Variants in SYNPO2 observed in about 807,000 individuals in gnomAD.
The protein encoded by SYNPO2 is synaptopodin-2.
In SYNPO2, 56 loss-of-function variants were observed where a neutral mutation model predicts 85.0. The ratio of observed to expected loss-of-function variants is 0.66; its 90% CI spans 0.53 to 0.82. SYNPO2 has a LOEUF of 0.82. SYNPO2 is among the 40% of genes least tolerant of loss of function. SYNPO2 has a pLI of 0.00. For missense variants in SYNPO2, 1,575 were observed against 1,534.2 expected (o/e 1.03, Z -0.44); for synonymous variants, 602 against 591.1 (o/e 1.02, Z -0.27).
At chr4:119,013,514 T>A (rs567084920) in intron 1 of SYNPO2, among the ~76,000 whole-genome samples, 5 of 152,326 alleles carry the variant, frequency 3.3e-5, no homozygotes, top group Admixed American at 2.6e-4. Context: ...ATATGGTTAT[T>A]CAGTCTTGGA....
chr4:118,914,725 G>A (rs1733253630), intron 1 of SYNPO2, among the ~76,000 whole-genome samples: 1 of 151,998 alleles, frequency 6.6e-6, no homozygotes. Context: ...TGGCAGTAAA[G>A]GAAAGACAGC....
chr4:118,997,239 C>CAAAAAA (rs1434428754), intron 1 of SYNPO2, among the ~76,000 whole-genome samples: 56 of 65,214 alleles, frequency 8.6e-4, no homozygotes, highest in African/African-American at 2.2e-3. Flanking sequence ...GACTCCGTCT[C>CAAAAAA]AAAAAAAAAA....
chr4:118,925,278 T>A (rs920423030), intron 1 of SYNPO2, among the ~76,000 whole-genome samples: 1 of 152,186 alleles, frequency 6.6e-6, no homozygotes, highest in Non-Finnish European at 1.5e-5. Flanking sequence ...CTGGACTGAC[T>A]GACATGTGAA....
intron 4 of SYNPO2, chr4:119,043,268 G>A (rs1282913611): frequency 6.6e-6 from 1 of 151,956 alleles, no homozygotes; most frequent in Non-Finnish European, 1.5e-5. Flanking sequence ...TCTCTCAAAT[G>A]TGTATTGATG....
chr4:118,875,030 C>T (rs1731878126), intron 1 of SYNPO2, among the ~76,000 whole-genome samples: 1 of 152,194 alleles, frequency 6.6e-6, no homozygotes, highest in Non-Finnish European at 1.5e-5. Context: ...CTGACAGGCC[C>T]CATTGTGTGT....
In SYNPO2 at chr4:118,927,768, T is replaced by C. The variant is rs28562711; in HGVS notation, c.105+38627T>C. On this transcript the variant is annotated intron_variant, in intron 1 of 4. Transcript: ENST00000307142. ...GATAGATGATAGATAGATATATAGA[T>C]AGATAGATGATAGATAGATAGATAG... Among the ~76,000 whole-genome samples, 233 of 51,670 alleles carry C rather than the reference T, an allele frequency of 4.5e-3. 2 individuals carry two copies. Among genetic ancestry groups the C allele is most frequent in the African/African-American group, 9.9e-3 (137 of 13,770 alleles). 33.9% of individuals were successfully genotyped at this position (51,670 alleles called of 152,430 possible). A position where few individuals can be genotyped will look rare whatever the true frequency, so the allele number is the denominator to read the frequency against.
chr4:119,027,423 C>A lies in SYNPO2; in HGVS notation c.1054C>A (p.Arg352=), dbSNP rs192473578. The A allele has an allele frequency of 3.8e-6, 6 of 1,597,160 alleles. No individual in the cohort carries two copies. The highest frequency in any genetic ancestry group is 5.1e-6 in the Non-Finnish European group (6 of 1,168,368). ...AGATCACAGCAGACCTCACAAGCAC[C>A]GAGCGCGGCATGCACGTAAGTTCTG... ...EKDHSRPHKH[R]ARHARLRRSE... Residue 352 remains arginine (R), a synonymous_variant, in exon 3 of 5, where the codon CGA becomes AGA. Coordinates refer to ENST00000307142, the MANE Select transcript of SYNPO2 (RefSeq NM_133477.3).
chr4:118,898,876 G>T (rs975209609), intron 1 of SYNPO2, among the ~76,000 whole-genome samples: 1 of 152,156 alleles, frequency 6.6e-6, no homozygotes, highest in South Asian at 2.1e-4. Flanking sequence ...CTCCCTGGTT[G>T]CTTCATCCCT....
intron 1 of SYNPO2, among the ~76,000 whole-genome samples, chr4:118,997,628 A>C (rs1196705222): frequency 6.6e-6 from 1 of 152,194 alleles, no homozygotes; most frequent in Non-Finnish European, 1.5e-5. Context: ...TGAAAGATTC[A>C]ATAGTGGATG....
At chr4:118,856,875 CAATTG>C (rs1232906081) in intron 1 of SYNPO2, among the ~76,000 whole-genome samples, 1 of 152,088 alleles carries the variant, frequency 6.6e-6, no homozygotes, top group African/African-American at 2.4e-5. Flanking sequence ...AAAGAACCTT[CAATTG>C]AATAGAAATA....
chr4:118,908,751 C>A (rs991180217), intron 1 of SYNPO2, among the ~76,000 whole-genome samples: 10 of 152,244 alleles, frequency 6.6e-5, no homozygotes, highest in Admixed American at 5.2e-4. Flanking sequence ...TGCCGTCATA[C>A]CACTGCCCTA....
At chr4:118,944,941 A>G (rs951560731) in intron 1 of SYNPO2, among the ~76,000 whole-genome samples, 1 of 152,196 alleles carries the variant, frequency 6.6e-6, no homozygotes, top group Non-Finnish European at 1.5e-5. Context: ...ATCTTTGTTG[A>G]CATCCTACCT....
chr4:118,908,959 T>C (rs184637855), intron 1 of SYNPO2, among the ~76,000 whole-genome samples: 9 of 152,286 alleles, frequency 5.9e-5, no homozygotes, highest in Admixed American at 1.3e-4. Context: ...ATGTGTTTTT[T>C]AAAAGATTGG....
intron 1 of SYNPO2, among the ~76,000 whole-genome samples, chr4:118,890,220 T>C (rs1437342032): frequency 6.6e-6 from 1 of 152,056 alleles, no homozygotes; most frequent in East Asian, 1.9e-4. Flanking sequence ...TGAAACTCCT[T>C]TTTGCTTCCA....
chr4:118,956,529 C>G (rs1400420085), intron 1 of SYNPO2, among the ~76,000 whole-genome samples: 1 of 152,070 alleles, frequency 6.6e-6, no homozygotes, highest in African/African-American at 2.4e-5. Context: ...AAAATTATTT[C>G]CTATTGGGTA....
intron 1 of SYNPO2, among the ~76,000 whole-genome samples, chr4:118,962,007 T>C (rs1488158073): frequency 6.6e-6 from 1 of 152,194 alleles, no homozygotes; most frequent in Non-Finnish European, 1.5e-5. Flanking sequence ...ATTTTTATCT[T>C]TGAACTTATT....
At chr4:118,862,810 T>A (rs1578504724) in intron 1 of SYNPO2, among the ~76,000 whole-genome samples, 2 of 152,132 alleles carry the variant, frequency 1.3e-5, no homozygotes, top group South Asian at 4.1e-4. Context: ...TCTTTCTTTT[T>A]TTTTTCTTTT....
In SYNPO2 at chr4:119,029,846, G is replaced by A. The variant is rs762093149; in HGVS notation, c.1071G>A (p.Arg357=). Residue 357 remains arginine, a splice_region_variant and synonymous_variant, in exon 4 of 5, where the codon CGG becomes CGA. Transcript: ENST00000307142. ...TTTTTTTTTTTTTGCTTTCCCTAGG[G>A]CTCAGGAGGAGTGAAAGCCTGTCAG... ...RPHKHRARHA[R]LRRSESLSEK... is the part of the protein sequence containing the mutation. 3.2e-6 allele frequency: 5 copies of A among 1,573,362 alleles called. No individual in the cohort carries two copies. Among genetic ancestry groups the A allele is most frequent in the Non-Finnish European group, 4.3e-6 (5 of 1,159,842 alleles).
At chr4:118,987,110 T>C (rs927061657) in intron 1 of SYNPO2, among the ~76,000 whole-genome samples, 1 of 152,240 alleles carries the variant, frequency 6.6e-6, no homozygotes, top group Non-Finnish European at 1.5e-5. Flanking sequence ...TAATGAGTTA[T>C]TTTTAGATAT....
Sources: allele counts gnomAD v4.1 joint callset (sites outside exome capture counted in the v4.1 genomes callset), GRCh38; gene constraint gnomAD v4.1.1; transcripts MANE v1.5; gene names NCBI Gene and HGNC (gene_info 2026-07-23, HGNC 2026-07-21).